Variants in SZT2 observed in about 807,000 individuals in gnomAD.
SZT2 encodes the protein SZT2 subunit of KICSTOR complex.
A neutral mutation model predicts 404.2 loss-of-function variants in SZT2; 216 were observed. The observed-to-expected ratio is 0.53, with a 90% CI of 0.48 to 0.60. SZT2 has a LOEUF of 0.60. SZT2 is among the 20% of genes least tolerant of loss of function. The pLI, the probability that SZT2 is intolerant of heterozygous loss-of-function variation, is 0.00. For missense variants in SZT2, 3,857 were observed against 4,459.2 expected (o/e 0.86, Z 3.85); for synonymous variants, 1,693 against 1,749.9 (o/e 0.97, Z 0.81).
rs1386165748 is a variant in SZT2, at chr1:43,428,599, A to T, written c.4166+113A>T. The T allele has an allele frequency of 2.8e-6, 4 of 1,432,014 alleles. 1 individual carries two copies. Among genetic ancestry groups the T allele is most frequent in the Non-Finnish European group, 3.7e-6 (4 of 1,069,690 alleles). 88.7% of individuals were successfully genotyped at this position (1,432,014 alleles called of 1,614,324 possible). ...GCAAGGTAGTATCTAAGCACCTGAGAAGCAGTAGTGCTTTGTCGCCGGCTC... is the reference window on the plus strand; with the variant it reads ...GCAAGGTAGTATCTAAGCACCTGAGTAGCAGTAGTGCTTTGTCGCCGGCTC... On this transcript the variant is annotated intron_variant, in intron 28 of 71. Coordinates refer to ENST00000634258, the MANE Select transcript of SZT2 (RefSeq NM_001365999.1).
Position 43,416,032 on chromosome 1 carries a change from C to A in SZT2, c.703C>A (p.Leu235Ile). Residue 235 changes from leucine to isoleucine, a missense_variant, in exon 6 of 72, where the codon CTT (leucine) becomes ATT (isoleucine). Leu to Ile is a conservative substitution (Grantham distance 5). Transcript: ENST00000634258. The stretch of plus-strand genomic sequence containing the variant: ...AGGCGTCTCCATGGTGACAGCTGAT[C>A]TTGGGCTGGTCAGTATGATTCGTCA... ...KVGVSMVTAD[L>I]GLVSMIRQGI... 6.3e-7 allele frequency: 1 copy of A among 1,598,372 alleles called. No individual in the cohort carries two copies. The highest frequency in any genetic ancestry group is 8.5e-7 in the Non-Finnish European group (1 of 1,179,790).
rs1653835685 is a variant in SZT2, at chr1:43,431,262, C to G, written c.4917-3C>G. The G allele has an allele frequency of 6.2e-7, 1 of 1,605,658 alleles. No homozygotes were observed. The highest frequency in any genetic ancestry group is 8.5e-7 in the Non-Finnish European group (1 of 1,175,612). ...ACCTTTGACTTGTTCCCACCCTGTTCAGGTCAACATCTGAAAGCAGTGCTT... is the reference window on the plus strand; with the variant it reads ...ACCTTTGACTTGTTCCCACCCTGTTGAGGTCAACATCTGAAAGCAGTGCTT... On this transcript the variant is annotated splice_region_variant and splice_polypyrimidine_tract_variant and intron_variant, in intron 33 of 71. Transcript: ENST00000634258.
chr1:43,442,969 C>T lies in SZT2; in HGVS notation c.8302C>T (p.Leu2768=), dbSNP rs2153936022. 6.2e-7 allele frequency: 1 copy of T among 1,614,144 alleles called. No homozygotes were observed. Among genetic ancestry groups the T allele is most frequent in the African/African-American group, 1.3e-5 (1 of 75,030 alleles). ...GGACACATTCCCCTTTGACGAGGCCCTAAGGGATATCACGGCTGCCCGCCC... is the reference window on the plus strand; with the variant it reads ...GGACACATTCCCCTTTGACGAGGCCTTAAGGGATATCACGGCTGCCCGCCC... The part of the protein sequence containing the change: ...PLDTFPFDEA[L]RDITAARPSS... Residue 2768 remains leucine, a synonymous_variant, in exon 59 of 72, where the codon CTA becomes TTA. Transcript: ENST00000634258. The surrounding 1 kb of genome is among the most constrained non-coding windows in gnomAD (Gnocchi z 4.5).
rs1652159659 is a variant in SZT2, at chr1:43,420,047, C to A, written c.1090+103C>A. On this transcript the variant is annotated intron_variant, in intron 8 of 71. Transcript: ENST00000634258. The surrounding 1 kb of genome is among the most constrained non-coding windows in gnomAD (Gnocchi z 5.1). The stretch of plus-strand genomic sequence containing the variant: ...GAAAGTGTAACTGGGGCTGGCTCTG[C>A]TGGCACTGTTACCTCACAGTCATTT... 3.2e-6 allele frequency: 5 copies of A among 1,563,500 alleles called. No individual in the cohort carries two copies. In the East Asian group the frequency reaches 9.0e-5, roughly 28 times the overall value.
At chr1:43,409,700 C>A in intron 4 of SZT2, 3 of 172,516 alleles carry the variant, frequency 1.7e-5, no homozygotes, top group South Asian at 1.1e-4. Flanking sequence ...TAGGAATTAA[C>A]CAAAGAAGTG....
intron 4 of SZT2, among the ~76,000 whole-genome samples, chr1:43,408,596 A>G (rs1650625078): frequency 6.6e-6 from 1 of 152,042 alleles, no homozygotes; most frequent in South Asian, 2.1e-4. Flanking sequence ...TTTTTAACAT[A>G]TAGTATGGGC....
At position 43,435,312 on chromosome 1, in the gene SZT2, C is replaced by G; in HGVS notation, c.6017C>G (p.Ala2006Gly). ...ACTCCCTTCCACTCCCGTCAGCGGGCACCACTGCCCAGTGATGGTGAGATC... is the reference window on the plus strand; with the variant it reads ...ACTCCCTTCCACTCCCGTCAGCGGGGACCACTGCCCAGTGATGGTGAGATC... ...SETPFHSRQR[A>G]PLPSDDYAAD... Residue 2006 changes from alanine (A) to glycine (G), a missense_variant, in exon 42 of 72, where the codon GCA becomes GGA. Physicochemically the swap from Ala to Gly is moderately conservative, Grantham distance 60. This residue lies in a region of SZT2 where 1,725 missense variants were observed against 1,881.0 expected (regional missense o/e 0.92). Coordinates refer to ENST00000634258, the MANE Select transcript of SZT2 (RefSeq NM_001365999.1). 1 of 1,614,166 alleles carries G rather than the reference C, an allele frequency of 6.2e-7. No individual in the cohort carries two copies. The highest frequency in any genetic ancestry group is 1.1e-5 in the South Asian group (1 of 91,074).
Position 43,428,271 on chromosome 1 carries a change from TG to T in SZT2, c.3952del (p.Val1318Ter). On this transcript the variant is annotated frameshift_variant, in exon 28 of 72. Transcript: ENST00000634258. LOFTEE classifies it high-confidence loss of function. ...LFRSLQQAQS[V>X]TSQDLLTAVD... is the part of the protein sequence containing the mutation. Reference sequence around the variant, plus strand: ...TCCGCAGCTTGCAGCAAGCACAGAGTGTGACCTCCCAGGATTTGCTGACAGC... The same window carrying T: ...TCCGCAGCTTGCAGCAAGCACAGAGTTGACCTCCCAGGATTTGCTGACAGC... The T allele has an allele frequency of 1.2e-6, 2 of 1,614,036 alleles. No individual in the cohort carries two copies. The highest frequency in any genetic ancestry group is 1.7e-6 in the Non-Finnish European group (2 of 1,180,008).
Position 43,420,783 on chromosome 1 carries a change from G to C in SZT2, c.1296G>C (p.Leu432=). The change falls in exon 10 of 72, where the codon CTG becomes CTC. Residue 432 remains leucine, a synonymous_variant. Coordinates refer to ENST00000634258, the MANE Select transcript of SZT2 (RefSeq NM_001365999.1). This position sits in a 1 kb window ranked among gnomAD's most constrained non-coding sequence, Gnocchi z 5.1. ...AATTGGAGGTAAAGCTGGTGCTGCTGTGGAAACACAACATGCGCATTGAGT... is the reference window on the plus strand; with the variant it reads ...AATTGGAGGTAAAGCTGGTGCTGCTCTGGAAACACAACATGCGCATTGAGT... ...GSQLEVKLVL[L]WKHNMRIEYV... 6 of 1,598,450 alleles carry C rather than the reference G, an allele frequency of 3.8e-6. No homozygotes were observed. The highest frequency in any genetic ancestry group is 5.1e-6 in the Non-Finnish European group (6 of 1,179,820).
At position 43,442,146 on chromosome 1, in the gene SZT2, G is replaced by A. The variant is rs758363838; in HGVS notation, c.7873+16G>A. ...ACACAGCAGGGTGAGGGCATGGCCC[G>A]GGGGGGCGGGGGGCGGGTAGGCTAA... is the stretch of plus-strand genomic sequence containing the variant. On this transcript the variant is annotated intron_variant, in intron 56 of 71. Coordinates refer to ENST00000634258, the MANE Select transcript of SZT2 (RefSeq NM_001365999.1). The surrounding 1 kb of genome is among the most constrained non-coding windows in gnomAD (Gnocchi z 4.5). The A allele has an allele frequency of 1.0e-5, 16 of 1,603,864 alleles. No individual in the cohort carries two copies. Among genetic ancestry groups the A allele is most frequent in the Middle Eastern group, 1.7e-4 (1 of 6,026 alleles).
Position 43,442,504 on chromosome 1 carries a change from T to C in SZT2, c.8037T>C (p.Val2679=). Residue 2679 remains valine, a synonymous_variant, in exon 58 of 72, where the codon GTT becomes GTC. Coordinates refer to ENST00000634258, the MANE Select transcript of SZT2 (RefSeq NM_001365999.1). The surrounding 1 kb of genome is among the most constrained non-coding windows in gnomAD (Gnocchi z 4.5). ...DLGAALGRAL[V]RLVQWQNARA... ...GGGCAGCATTGGGCCGAGCGCTGGT[T>C]CGCCTGGTGCAGTGGCAGAATGCAC... 6.2e-7 allele frequency: 1 copy of C among 1,614,156 alleles called. No individual in the cohort carries two copies. The highest frequency in any genetic ancestry group is 8.5e-7 in the Non-Finnish European group (1 of 1,180,016).
rs1427497091 is a variant in SZT2, at chr1:43,424,321, C to T, written c.2360C>T (p.Ala787Val). The stretch of plus-strand genomic sequence containing the variant: ...GGCCGCTCAGCCTCTTCTAGCCTGG[C>T]GTCACTGTCCCGCTACCTCTACCAT... ...VSGRSASSSL[A>V]SLSRYLYHQR... The change falls in exon 16 of 72, where the codon GCG becomes GTG. Residue 787 changes from alanine to valine, a missense_variant. Coordinates refer to ENST00000634258, the MANE Select transcript of SZT2 (RefSeq NM_001365999.1). This position sits in a 1 kb window ranked among gnomAD's most constrained non-coding sequence, Gnocchi z 4.1. 6 of 1,598,060 alleles carry T rather than the reference C, an allele frequency of 3.8e-6. No homozygotes were observed. Among genetic ancestry groups the T allele is most frequent in the South Asian group, 1.1e-5 (1 of 91,086 alleles).
chr1:43,420,451 G>A lies in SZT2; in HGVS notation c.1261+128G>A, dbSNP rs1438076184. The A allele has an allele frequency of 8.0e-7, 1 of 1,254,216 alleles. No homozygotes were observed. The highest frequency in any genetic ancestry group is 1.1e-6 in the Non-Finnish European group (1 of 933,030). 77.7% of individuals were successfully genotyped at this position (1,254,216 alleles called of 1,614,324 possible). On this transcript the variant is annotated intron_variant, in intron 9 of 71. Transcript: ENST00000634258. This position sits in a 1 kb window ranked among gnomAD's most constrained non-coding sequence, Gnocchi z 5.1. ...CTTATCACTTGAGACAGTGGGTTTT[G>A]AATTGTCATCAGGGCTTAATTCTCT...
intron 26 of SZT2, 120 bp from the exon 27 acceptor site, chr1:43,427,882 GC>G: frequency 7.6e-7 from 1 of 1,320,988 alleles, no homozygotes; most frequent in East Asian, 2.5e-5. Context: ...CCTTGAACTT[GC>G]TAGGCCATGA....
intron 38 of SZT2, 38 bp from the exon 39 acceptor site, chr1:43,432,690 A>T: frequency 6.2e-7 from 1 of 1,613,724 alleles, no homozygotes; most frequent in Non-Finnish European, 8.5e-7. Flanking sequence ...CCTAGACAGG[A>T]TTGAGAGAGG....
chr1:43,439,820 TA>T lies in SZT2; in HGVS notation c.7042+53del. On this transcript the variant is annotated intron_variant, in intron 50 of 71. Coordinates refer to ENST00000634258, the MANE Select transcript of SZT2 (RefSeq NM_001365999.1). The surrounding 1 kb of genome is among the most constrained non-coding windows in gnomAD (Gnocchi z 4.2). ...GGTGTTCAGTTATTGCTGTGGGAGG[TA>T]AGGGTGGTGAGTAGAGTGGGATCTA... is the stretch of plus-strand genomic sequence containing the variant. 2 of 1,561,500 alleles carry T rather than the reference TA, an allele frequency of 1.3e-6. No homozygotes were observed. The highest frequency in any genetic ancestry group is 1.7e-6 in the Non-Finnish European group (2 of 1,151,696).
At chr1:43,422,251 A>G (rs1267445720) in intron 12 of SZT2, 26 bp downstream of exon 12, 2 of 1,558,910 alleles carry the variant, frequency 1.3e-6, no homozygotes, top group African/African-American at 1.3e-5. Flanking sequence ...GCTGGGCCAT[A>G]GTTGGGGTGG....
In SZT2 at chr1:43,439,767, C is replaced by T. The variant is rs1271819335; in HGVS notation, c.7040C>T (p.Ser2347Leu). The change falls in exon 50 of 72, where the codon TCA (serine) becomes TTA (leucine). Residue 2347 changes from serine (S) to leucine (L), a missense_variant and splice_region_variant. Transcript: ENST00000634258. The surrounding 1 kb of genome is among the most constrained non-coding windows in gnomAD (Gnocchi z 4.2). ...IRCPVVVDSS[S>L]AQNGAPRLRL... ...TGCCCGGTTGTTGTGGACAGTTCTT[C>T]AGGTGGGACAGCTTGGTCAGAGGAT... The T allele has an allele frequency of 1.3e-6, 2 of 1,583,336 alleles. No homozygotes were observed. Among genetic ancestry groups the T allele is most frequent in the East Asian group, 2.2e-5 (1 of 44,556 alleles).
chr1:43,430,991 G>A lies in SZT2; in HGVS notation c.4817G>A (p.Arg1606Gln), dbSNP rs1471308449. ...SSLEGPPVGG[R>Q]VPLRDLSVTL... ...CTGGAGGGCCCCCCAGTTGGAGGCC[G>A]AGTTCCCTTGAGGGACCTCAGTGTG... Residue 1606 changes from arginine (R) to glutamine (Q), a missense_variant, in exon 33 of 72, where the codon CGA (arginine) becomes CAA (glutamine). Arg to Gln is a conservative substitution (Grantham distance 43, BLOSUM62 1). Transcript: ENST00000634258. The A allele has an allele frequency of 6.8e-6, 11 of 1,613,990 alleles. No individual in the cohort carries two copies. The highest frequency in any genetic ancestry group is 5.5e-5 in the South Asian group (5 of 91,066).
Sources: allele counts gnomAD v4.1 joint callset (sites outside exome capture counted in the v4.1 genomes callset), GRCh38; gene constraint gnomAD v4.1.1; regional missense constraint gnomAD v4.1.1; non-coding constraint Gnocchi (gnomAD v3.1); transcripts MANE v1.5; gene names NCBI Gene and HGNC (gene_info 2026-07-23, HGNC 2026-07-21).